Variants in OCA2 observed in about 807,000 individuals in gnomAD.
The protein encoded by OCA2 is OCA2 melanosomal transmembrane protein, also known as P protein.
A neutral mutation model predicts 100.2 loss-of-function variants in OCA2; 77 were observed. The ratio of observed to expected loss-of-function variants is 0.77; its 90% confidence interval spans 0.64 to 0.93. OCA2 has a LOEUF of 0.93. Among genes scored for constraint, OCA2 ranks in the 40% least tolerant of loss-of-function variants. The probability of loss-of-function intolerance (pLI) is 0.00; values close to 1 mark genes in which losing one functional copy is unlikely to be tolerated. For synonymous variants in OCA2, 432 were observed against 439.2 expected (o/e 0.98, Z 0.21); for missense variants, 1,062 against 1,089.1 (o/e 0.98, Z 0.35).
intron 2 of OCA2, among the ~76,000 whole-genome samples, chr15:28,039,436 T>C (rs2043138687): frequency 6.6e-6 from 1 of 152,192 alleles, no homozygotes. Context: ...TTTGAAGTAA[T>C]ACAAAGTATC....
intron 15 of OCA2, among the ~76,000 whole-genome samples, chr15:27,958,845 A>G (rs1022542087): frequency 6.6e-6 from 1 of 152,192 alleles, no homozygotes; most frequent in Non-Finnish European, 1.5e-5. Context: ...TGAAAAGACA[A>G]AGCCTTTCAA....
intron 23 of OCA2, among the ~76,000 whole-genome samples, chr15:27,803,747 T>C (rs2033708338): frequency 6.6e-6 from 1 of 152,236 alleles, no homozygotes; most frequent in African/African-American, 2.4e-5. Flanking sequence ...TTATATTATA[T>C]GTATTTTACC....
chr15:27,886,879 A>T (rs2037243278), intron 19 of OCA2, among the ~76,000 whole-genome samples: 1 of 152,170 alleles, frequency 6.6e-6, no homozygotes, highest in African/African-American at 2.4e-5. Flanking sequence ...AGGAGAGGAA[A>T]CTGTTTGGGA....
At chr15:27,935,732 T>G (rs540434974) in intron 18 of OCA2, among the ~76,000 whole-genome samples, 1 of 152,272 alleles carries the variant, frequency 6.6e-6, no homozygotes, top group Non-Finnish European at 1.5e-5. Flanking sequence ...CTGGTTTATT[T>G]ATTTCAAATC....
intron 19 of OCA2, chr15:27,896,638 CAAAAAAA>C (rs58489908): frequency 2.8e-5 from 4 of 141,490 alleles, no homozygotes; most frequent in Non-Finnish European, 4.6e-5. Context: ...TTATTGACAG[CAAAAAAA>C]AAAAAAAAAA....
At chr15:28,095,167 G>A (rs1195609046) in intron 1 of OCA2, among the ~76,000 whole-genome samples, 1 of 152,214 alleles carries the variant, frequency 6.6e-6, no homozygotes, top group Admixed American at 6.5e-5. Context: ...GTGGCCGCAC[G>A]GCTGAGTGCT....
At position 28,049,309 on chromosome 15, in the gene OCA2, A is replaced by G. The variant is rs567840490; in HGVS notation, c.228-17146T>C. On this transcript the variant is annotated intron_variant, in intron 2 of 23. Coordinates refer to ENST00000354638, the MANE Select transcript of OCA2 (RefSeq NM_000275.3). The stretch of plus-strand genomic sequence containing the variant: ...TCACACTGACTAGGATGGCTAGAAT[A>G]AAAAAAGGAATATAAATGTTGGTGA... Among the ~76,000 whole-genome samples the G allele has an allele frequency of 2.6e-5, 4 of 152,294 alleles. No homozygotes were observed. The South Asian group carries it at 6.2e-4, about 24-fold the overall frequency.
intron 21 of OCA2, among the ~76,000 whole-genome samples, chr15:27,855,670 T>C (rs769597539): frequency 1.6e-4 from 24 of 152,240 alleles, no homozygotes; most frequent in Admixed American, 1.2e-3. Flanking sequence ...CTTAGTTCAG[T>C]CAATAATTAT....
chr15:28,064,917 G>T (rs2141699410), intron 2 of OCA2, among the ~76,000 whole-genome samples: 1 of 151,362 alleles, frequency 6.6e-6, no homozygotes, highest in East Asian at 2.0e-4. Context: ...GGTTGCTGTT[G>T]TTGTCACTGT....
At position 28,083,894 on chromosome 15, in the gene OCA2, G is replaced by A. The variant is rs373861972; in HGVS notation, c.-21-1999C>T. On this transcript the variant is annotated intron_variant, in intron 1 of 23. Coordinates refer to ENST00000354638, the MANE Select transcript of OCA2 (RefSeq NM_000275.3). The stretch of plus-strand genomic sequence containing the variant: ...TGCTCTCCATTGACAATTCCAGGGC[G>A]CCATTGCCCCTCCTAAAACACCCAG... Among the ~76,000 whole-genome samples the A allele has an allele frequency of 1.2e-4, 19 of 152,280 alleles. No homozygotes were observed. In the East Asian group the frequency reaches 1.4e-3, roughly 11 times the overall value.
At chr15:27,810,756 C>T (rs2034043763) in intron 23 of OCA2, among the ~76,000 whole-genome samples, 1 of 152,064 alleles carries the variant, frequency 6.6e-6, no homozygotes, top group South Asian at 2.1e-4. Flanking sequence ...AAATGGCCAA[C>T]AAACATACGA....
At chr15:27,722,561 C>G in the OCA2 span, among the ~76,000 whole-genome samples, 1 of 152,174 alleles carries the variant, frequency 6.6e-6, no homozygotes, top group Non-Finnish European at 1.5e-5. Context: ...CCCACTCCCT[C>G]TCTATCACCT....
intron 19 of OCA2, among the ~76,000 whole-genome samples, chr15:27,884,194 C>T (rs2037133552): frequency 6.6e-6 from 1 of 152,154 alleles, no homozygotes; most frequent in Non-Finnish European, 1.5e-5. Flanking sequence ...CCAGCCTGGT[C>T]AATGTGGCGA....
chr15:27,745,734 T>G, the OCA2 span, among the ~76,000 whole-genome samples: 4 of 152,374 alleles, frequency 2.6e-5, 1 homozygote, highest in South Asian at 8.3e-4. Context: ...TTTAAAGGTC[T>G]GAATAGGAAA....
chr15:27,887,080 G>C (rs773446654), intron 19 of OCA2, among the ~76,000 whole-genome samples: 15 of 152,144 alleles, frequency 9.9e-5, no homozygotes, highest in Non-Finnish European at 1.5e-4. Flanking sequence ...CCCTGCACAA[G>C]ATCTCTCTCT....
At chr15:27,819,478 G>A (rs2034424721) in intron 23 of OCA2, among the ~76,000 whole-genome samples, 1 of 152,186 alleles carries the variant, frequency 6.6e-6, no homozygotes, top group Admixed American at 6.5e-5. Context: ...GGACGCTGAA[G>A]GCATTTCCCA....
At chr15:27,723,343 A>G in the OCA2 span, among the ~76,000 whole-genome samples, 1 of 152,132 alleles carries the variant, frequency 6.6e-6, no homozygotes, top group African/African-American at 2.4e-5. Context: ...CTAACAAATG[A>G]CGTGTGCACG....
intron 19 of OCA2, chr15:27,896,542 C>T (rs780984307): frequency 9.4e-6 from 4 of 427,296 alleles, no homozygotes; most frequent in African/African-American, 2.1e-5. Context: ...CAAAAGAATG[C>T]AAGCTTCCTC....
At chr15:27,833,698 G>A (rs1183351235) in intron 23 of OCA2, among the ~76,000 whole-genome samples, 1 of 152,106 alleles carries the variant, frequency 6.6e-6, no homozygotes, top group Non-Finnish European at 1.5e-5. Flanking sequence ...CCAGTTATAG[G>A]AAATTTGATC....
Sources: gnomAD v4.1 joint callset for allele counts (sites outside exome capture counted in the v4.1 genomes callset) on GRCh38, gnomAD v4.1.1 for gene constraint, MANE v1.5 for transcripts, NCBI Gene and HGNC (gene_info 2026-07-23, HGNC 2026-07-21) for gene names.